SYT9: variants seen among roughly 807,000 people sequenced by gnomAD.
SYT9 encodes synaptotagmin 9.
SYT9 carries 22 observed loss-of-function variants against 48.4 expected under a neutral mutation model. The observed-to-expected ratio is 0.45, with a 90% CI of 0.32 to 0.65. SYT9 has a LOEUF of 0.65. Among genes scored for constraint, SYT9 ranks in the 30% least tolerant of loss-of-function variants. The probability of loss-of-function intolerance (pLI) is 0.03; values close to 1 mark genes in which losing one functional copy is unlikely to be tolerated. For synonymous variants in SYT9, 265 were observed against 245.0 expected, an observed-to-expected ratio of 1.08 and a Z score of -0.76; for missense variants, 577 against 622.0, an observed-to-expected ratio of 0.93 and a Z score of 0.77.
At chr11:7,321,876 T>G (rs1849344029) in intron 3 of SYT9, among the ~76,000 whole-genome samples, 1 of 152,174 alleles carries the variant, frequency 6.6e-6, no homozygotes, top group Non-Finnish European at 1.5e-5. Flanking sequence ...TGCCATGGCA[T>G]TTGTAAACTG....
chr11:7,355,637 T>C (rs891543218), intron 3 of SYT9, among the ~76,000 whole-genome samples: 1 of 152,226 alleles, frequency 6.6e-6, no homozygotes, highest in African/African-American at 2.4e-5. Flanking sequence ...TCAGCTACTG[T>C]CCTTGAGACA....
At chr11:7,261,756 G>A (rs1848084479) in intron 1 of SYT9, among the ~76,000 whole-genome samples, 1 of 151,950 alleles carries the variant, frequency 6.6e-6, no homozygotes, top group Non-Finnish European at 1.5e-5. Flanking sequence ...TCTCAAGGCA[G>A]GAGCATGCTT....
In SYT9 at chr11:7,343,324, T is replaced by G. The variant is rs543427570; in HGVS notation, c.1044+29383T>G. 9.8e-5 allele frequency among the ~76,000 whole-genome samples: 15 copies of G among 152,312 alleles called. 1 individual carries two copies. The highest frequency in any genetic ancestry group is 3.1e-4 in the African/African-American group (13 of 41,578). On this transcript the variant is annotated intron_variant, in intron 3 of 6. Coordinates refer to ENST00000318881, the MANE Select transcript of SYT9 (RefSeq NM_175733.4). ...GTGTTTCCCTTTTAAAACTGAATAC[T>G]TTTAGCAGCACCCGAGTCACCTCTT...
chr11:7,254,149 T>C (rs1167261349), intron 1 of SYT9, among the ~76,000 whole-genome samples: 1 of 152,132 alleles, frequency 6.6e-6, no homozygotes, highest in Non-Finnish European at 1.5e-5. Flanking sequence ...CAAGAGGAAA[T>C]CTGATTCCTT....
At position 7,377,344 on chromosome 11, in the gene SYT9, C is replaced by T. The variant is rs114430190; in HGVS notation, c.1045-38698C>T. Among the ~76,000 whole-genome samples the T allele has an allele frequency of 3.3e-3, 503 of 152,058 alleles. 7 individuals carry two copies. Among genetic ancestry groups the T allele is most frequent in the African/African-American group, 9.4e-3 (391 of 41,494 alleles). Reference sequence around the variant, plus strand: ...GAATTATTATTGTCTCTATTTGAAGCACATCTGAGAAGTCTTGATTATTCC... The same window carrying T: ...GAATTATTATTGTCTCTATTTGAAGTACATCTGAGAAGTCTTGATTATTCC... On this transcript the variant is annotated intron_variant, in intron 3 of 6. Transcript: ENST00000318881.
chr11:7,330,908 G>C (rs1447638992), intron 3 of SYT9, among the ~76,000 whole-genome samples: 1 of 152,050 alleles, frequency 6.6e-6, no homozygotes, highest in Non-Finnish European at 1.5e-5. Flanking sequence ...TGTTGGCCAG[G>C]CTGGTCTTGA....
At chr11:7,355,588 T>G (rs1224485302) in intron 3 of SYT9, among the ~76,000 whole-genome samples, 1 of 152,206 alleles carries the variant, frequency 6.6e-6, no homozygotes, top group Non-Finnish European at 1.5e-5. Flanking sequence ...TCTACTGCAG[T>G]TATTGTCTGA....
intron 1 of SYT9, among the ~76,000 whole-genome samples, chr11:7,277,412 C>T (rs891478561): frequency 2.0e-5 from 3 of 152,144 alleles, no homozygotes; most frequent in African/African-American, 7.2e-5. Context: ...AGCAAGTGCT[C>T]ATGTCTTACT....
intron 3 of SYT9, among the ~76,000 whole-genome samples, chr11:7,388,662 A>G (rs1400878633): frequency 3.9e-5 from 6 of 152,092 alleles, no homozygotes; most frequent in African/African-American, 9.7e-5. Flanking sequence ...ATGTTTTGAA[A>G]TTTATTATTT....
intron 1 of SYT9, among the ~76,000 whole-genome samples, chr11:7,293,986 A>G (rs1848741178): frequency 1.3e-5 from 2 of 152,212 alleles, no homozygotes; most frequent in Admixed American, 1.3e-4. Flanking sequence ...CTATAACAGA[A>G]TGCAATGGAC....
At chr11:7,292,919 C>T (rs979403693) in intron 1 of SYT9, among the ~76,000 whole-genome samples, 1 of 152,174 alleles carries the variant, frequency 6.6e-6, no homozygotes, top group African/African-American at 2.4e-5. Context: ...AATAATGATT[C>T]CTGAACCTTC....
At chr11:7,244,654 C>G (rs1847773660) in intron 1 of SYT9, among the ~76,000 whole-genome samples, 1 of 152,172 alleles carries the variant, frequency 6.6e-6, no homozygotes, top group African/African-American at 2.4e-5. Context: ...CACTGAGAAC[C>G]AGTCATGCTA....
chr11:7,273,291 A>G (rs1319628979), intron 1 of SYT9, among the ~76,000 whole-genome samples: 1 of 151,812 alleles, frequency 6.6e-6, no homozygotes, highest in Non-Finnish European at 1.5e-5. Flanking sequence ...TTGAAATTTG[A>G]TAGTGATTGC....
rs537200539 is a variant in SYT9 at position 7,450,435 on chromosome 11, G to C, written c.1468-16357G>C. ...GCGCTGGAAGACGGGGGCTTCTTCAGCTCGGTCCTGGAACAAGAAGACGCA... is the reference window on the plus strand; with the variant it reads ...GCGCTGGAAGACGGGGGCTTCTTCACCTCGGTCCTGGAACAAGAAGACGCA... On this transcript the variant is annotated intron_variant, in intron 6 of 6. Coordinates refer to ENST00000318881, the MANE Select transcript of SYT9 (RefSeq NM_175733.4). The C allele has an allele frequency of 2.6e-5, 4 of 152,292 alleles. No homozygotes were observed. In the South Asian group the frequency reaches 8.3e-4, roughly 32 times the overall value. 9.4% of individuals were successfully genotyped at this position (152,292 alleles called of 1,614,324 possible). A position where few individuals can be genotyped will look rare whatever the true frequency, so the allele number is the denominator to read the frequency against.
At chr11:7,392,768 G>C (rs1846655656) in intron 3 of SYT9, among the ~76,000 whole-genome samples, 1 of 151,962 alleles carries the variant, frequency 6.6e-6, no homozygotes, top group African/African-American at 2.4e-5. Context: ...TACTGCCTAT[G>C]ATTTCTTTCA....
intron 3 of SYT9, among the ~76,000 whole-genome samples, chr11:7,386,361 A>G (rs1029142551): frequency 2.0e-5 from 3 of 152,090 alleles, no homozygotes; most frequent in African/African-American, 7.2e-5. Flanking sequence ...TGAACAGTCA[A>G]CCTACAGAAT....
At chr11:7,454,588 C>T (rs1848114257) in intron 6 of SYT9, among the ~76,000 whole-genome samples, 2 of 152,152 alleles carry the variant, frequency 1.3e-5, no homozygotes, top group African/African-American at 4.8e-5. Flanking sequence ...AAGAAACATC[C>T]ATCTAATATC....
chr11:7,445,637 A>G (rs1847912839), intron 6 of SYT9, among the ~76,000 whole-genome samples: 1 of 152,108 alleles, frequency 6.6e-6, no homozygotes, highest in South Asian at 2.1e-4. Context: ...GGATATAGTC[A>G]TGCCTCAAGT....
intron 2 of SYT9, among the ~76,000 whole-genome samples, chr11:7,308,870 C>T (rs936303783): frequency 6.6e-6 from 1 of 152,094 alleles, no homozygotes; most frequent in Non-Finnish European, 1.5e-5. Flanking sequence ...GTTGGCTTTT[C>T]GGGTGATAGT....
Sources: gnomAD v4.1 joint callset for allele counts (sites outside exome capture counted in the v4.1 genomes callset) on GRCh38, gnomAD v4.1.1 for gene constraint, MANE v1.5 for transcripts, NCBI Gene and HGNC (gene_info 2026-07-23, HGNC 2026-07-21) for gene names.